The following GRIA2 variants were observed in gnomAD, a reference collection of about 807,000 sequenced individuals.
The protein encoded by GRIA2 is glutamate ionotropic receptor AMPA type subunit 2, also known as glutamate receptor 2.
Under a neutral mutation model 97.3 loss-of-function variants are expected in GRIA2, and 14 were observed. The observed-to-expected ratio is 0.14, with a 90% CI of 0.10 to 0.23. The LOEUF (loss-of-function observed/expected upper bound fraction) is 0.23. GRIA2 is among the 10% of genes least tolerant of loss of function. The pLI, the probability that GRIA2 is intolerant of heterozygous loss-of-function variation, is 1.00. For missense variants in GRIA2, 558 were observed against 1,069.8 expected (o/e 0.52, Z 6.67); for synonymous variants, 412 against 387.8 (o/e 1.06, Z -0.73).
intron 12 of GRIA2, among the ~76,000 whole-genome samples, chr4:157,353,442 G>A (rs1161795078): frequency 6.6e-6 from 1 of 152,068 alleles, no homozygotes; most frequent in African/African-American, 2.4e-5. Flanking sequence ...AGGCCAAGGT[G>A]GGCGGACAAC....
chr4:157,230,484 G>A (rs899992857), intron 2 of GRIA2, among the ~76,000 whole-genome samples: 2 of 152,124 alleles, frequency 1.3e-5, no homozygotes, highest in African/African-American at 4.8e-5. Flanking sequence ...TTTGCAACTC[G>A]AAATTAATTC....
chr4:157,228,654 G>A (rs144307677), intron 2 of GRIA2, among the ~76,000 whole-genome samples: 123 of 151,998 alleles, frequency 8.1e-4, no homozygotes, highest in African/African-American at 1.5e-3. Context: ...GTAGCCAGGC[G>A]TGGTGGCACC....
intron 7 of GRIA2, 52 bp from the exon 8 acceptor site, chr4:157,333,197 T>C: frequency 1.3e-5 from 14 of 1,064,832 alleles, no homozygotes; most frequent in Non-Finnish European, 1.8e-5. Context: ...ACAGTGTATA[T>C]GTTTGGTTGA....
chr4:157,250,229 G>T (rs1285886529), intron 2 of GRIA2, among the ~76,000 whole-genome samples: 1 of 152,058 alleles, frequency 6.6e-6, no homozygotes, highest in East Asian at 1.9e-4. Flanking sequence ...GAAAGTAAGA[G>T]TAGAAACACA....
At chr4:157,256,901 A>G (rs1205498047) in intron 2 of GRIA2, among the ~76,000 whole-genome samples, 1 of 151,964 alleles carries the variant, frequency 6.6e-6, no homozygotes, top group East Asian at 1.9e-4. Context: ...CTGCTTTGTT[A>G]ATTGCTTGAT....
At chr4:157,266,544 CAA>C (rs1731778361) in intron 2 of GRIA2, among the ~76,000 whole-genome samples, 1 of 151,992 alleles carries the variant, frequency 6.6e-6, no homozygotes, top group African/African-American at 2.4e-5. Flanking sequence ...GCTAGAGAAA[CAA>C]AAGTCCTCGG....
chr4:157,259,731 CAAACTCT>C (rs1354197142), intron 2 of GRIA2, among the ~76,000 whole-genome samples: 4 of 152,134 alleles, frequency 2.6e-5, no homozygotes, highest in African/African-American at 9.7e-5. Flanking sequence ...ATATAGATTA[CAAACTCT>C]AACTTGTCCT....
At chr4:157,296,180 A>G (rs942134658) in intron 2 of GRIA2, among the ~76,000 whole-genome samples, 1 of 152,172 alleles carries the variant, frequency 6.6e-6, no homozygotes, top group African/African-American at 2.4e-5. Flanking sequence ...TAAATATTAT[A>G]TTTTCATACT....
chr4:157,277,309 A>G (rs528647600), intron 2 of GRIA2, among the ~76,000 whole-genome samples: 1 of 152,088 alleles, frequency 6.6e-6, no homozygotes, highest in Admixed American at 6.6e-5. Flanking sequence ...CATATGCAGA[A>G]AAAGCATTTG....
intron 2 of GRIA2, among the ~76,000 whole-genome samples, chr4:157,263,865 A>G (rs970718633): frequency 1.3e-5 from 2 of 152,120 alleles, no homozygotes; most frequent in East Asian, 1.9e-4. Context: ...GGCGATTTAC[A>G]CTCAAAAATC....
At chr4:157,285,197 G>A (rs1008290631) in intron 2 of GRIA2, among the ~76,000 whole-genome samples, 1 of 150,730 alleles carries the variant, frequency 6.6e-6, no homozygotes, top group African/African-American at 2.4e-5. Context: ...TTTCAATTAA[G>A]CCTTCTGAGT....
At chr4:157,254,617 T>G (rs754920492) in intron 2 of GRIA2, among the ~76,000 whole-genome samples, 3 of 152,040 alleles carry the variant, frequency 2.0e-5, no homozygotes, top group Non-Finnish European at 2.9e-5. Context: ...AACTGTCAAA[T>G]TGATAATATT....
intron 3 of GRIA2, among the ~76,000 whole-genome samples, chr4:157,305,604 T>C (rs1466435049): frequency 1.3e-5 from 2 of 152,126 alleles, no homozygotes; most frequent in Non-Finnish European, 1.5e-5. Context: ...CCATTTGACC[T>C]TCTTTCACTT....
At chr4:157,286,945 A>G (rs928062326) in intron 2 of GRIA2, among the ~76,000 whole-genome samples, 11 of 151,550 alleles carry the variant, frequency 7.3e-5, no homozygotes, top group Non-Finnish European at 1.3e-4. Context: ...GTGAAAGTCA[A>G]TTTATTGAGT....
chr4:157,244,789 T>C (rs1579299731), intron 2 of GRIA2, among the ~76,000 whole-genome samples: 1 of 152,170 alleles, frequency 6.6e-6, no homozygotes, highest in Non-Finnish European at 1.5e-5. Context: ...AAAAATCATG[T>C]ACTGTCTGGC....
intron 12 of GRIA2, among the ~76,000 whole-genome samples, chr4:157,347,518 A>T (rs1329968611): frequency 6.6e-6 from 1 of 152,252 alleles, no homozygotes; most frequent in East Asian, 1.9e-4. Flanking sequence ...GTGATTTGGG[A>T]TTAGTCTCTC....
chr4:157,222,814 AT>A (rs1328852723), intron 2 of GRIA2, among the ~76,000 whole-genome samples: 1 of 152,168 alleles, frequency 6.6e-6, no homozygotes, highest in African/African-American at 2.4e-5. Flanking sequence ...AAACCAAACA[AT>A]TAGGGATCTA....
Position 157,363,814 on chromosome 4 carries a change from C to T in GRIA2, c.*383C>T, listed in dbSNP as rs1416702744. The T allele has an allele frequency of 5.8e-6, 2 of 346,416 alleles. No individual in the cohort carries two copies. The highest frequency in any genetic ancestry group is 1.0e-5 in the Non-Finnish European group (2 of 192,740). The allele number at this position is 346,416 out of a possible 1,614,324, so 21.5% of individuals were successfully genotyped here. On this transcript the variant is annotated 3_prime_UTR_variant, in exon 16 of 16. Coordinates refer to ENST00000264426, the MANE Select transcript of GRIA2 (RefSeq NM_001083619.3). ...AAGCGTGGTGGACATGCACAGCTAACATGGAAGTACTATAATTTACCTGAA... is the reference window on the plus strand; with the variant it reads ...AAGCGTGGTGGACATGCACAGCTAATATGGAAGTACTATAATTTACCTGAA...
chr4:157,324,444 T>C (rs530172270), intron 6 of GRIA2, among the ~76,000 whole-genome samples: 1 of 152,338 alleles, frequency 6.6e-6, no homozygotes, highest in South Asian at 2.1e-4. Context: ...AATAGACTGA[T>C]AAAATATGCC....
Sources: allele counts gnomAD v4.1 joint callset (sites outside exome capture counted in the v4.1 genomes callset), GRCh38; gene constraint gnomAD v4.1.1; transcripts MANE v1.5; gene names NCBI Gene and HGNC (gene_info 2026-07-23, HGNC 2026-07-21).